PRKG1: variants seen among roughly 807,000 people sequenced by gnomAD.
PRKG1 encodes cGMP-dependent protein kinase 1.
PRKG1 carries 35 observed loss-of-function variants against 88.1 expected under a neutral mutation model. That is an observed-to-expected ratio of 0.40 (90% CI 0.30 to 0.53). The LOEUF (loss-of-function observed/expected upper bound fraction) is 0.53. Among genes scored for constraint, PRKG1 ranks in the 20% least tolerant of loss-of-function variants. The probability of loss-of-function intolerance (pLI) is 0.59; values close to 1 mark genes in which losing one functional copy is unlikely to be tolerated. For missense variants in PRKG1, 540 were observed against 839.8 expected (o/e 0.64, Z 4.41); for synonymous variants, 303 against 292.5 (o/e 1.04, Z -0.37).
intron 1 of PRKG1, among the ~76,000 whole-genome samples, chr10:51,078,209 C>T (rs1844011655): frequency 1.4e-5 from 2 of 146,168 alleles, no homozygotes; most frequent in African/African-American, 5.2e-5. Context: ...TATTTTGTTT[C>T]CTTTCTTTTT....
intron 1 of PRKG1, among the ~76,000 whole-genome samples, chr10:51,031,003 A>G (rs1264847384): frequency 6.6e-6 from 1 of 152,156 alleles, no homozygotes; most frequent in Non-Finnish European, 1.5e-5. Context: ...TAATTTTTTT[A>G]CTAGTTAGAG....
intron 1 of PRKG1, among the ~76,000 whole-genome samples, chr10:51,092,786 A>C (rs557966996): frequency 1.3e-5 from 2 of 152,322 alleles, no homozygotes; most frequent in African/African-American, 4.8e-5. Context: ...AGAGACAATA[A>C]ACTGTTCCAT....
At chr10:51,601,745 T>C (rs1838610718) in intron 3 of PRKG1, among the ~76,000 whole-genome samples, 3 of 119,968 alleles carry the variant, frequency 2.5e-5, no homozygotes, top group Admixed American at 8.7e-5. Context: ...TTTTTTTTTT[T>C]TTTTTTTTTT....
intron 7 of PRKG1, among the ~76,000 whole-genome samples, chr10:52,070,954 T>C (rs987119687): frequency 6.6e-6 from 1 of 152,170 alleles, no homozygotes; most frequent in Non-Finnish European, 1.5e-5. Flanking sequence ...CTGTTTCAGC[T>C]TCATGGTTTG....
At chr10:51,739,119 A>G (rs1837366741) in intron 3 of PRKG1, among the ~76,000 whole-genome samples, 1 of 152,246 alleles carries the variant, frequency 6.6e-6, no homozygotes, top group Non-Finnish European at 1.5e-5. Flanking sequence ...CACATTATAA[A>G]GTCAGTCCTG....
chr10:52,259,961 G>C (rs374200116), intron 10 of PRKG1, among the ~76,000 whole-genome samples: 30 of 151,966 alleles, frequency 2.0e-4, no homozygotes, highest in African/African-American at 6.8e-4. Flanking sequence ...TCGTATGGGG[G>C]AAGAAGTTAT....
intron 1 of PRKG1, among the ~76,000 whole-genome samples, chr10:51,111,088 G>A (rs1360603701): frequency 6.6e-6 from 1 of 152,026 alleles, no homozygotes; most frequent in Non-Finnish European, 1.5e-5. Context: ...TTTCAGTTCT[G>A]GTGAAGTACA....
chr10:52,293,377 C>T (rs1003301588), intron 17 of PRKG1, among the ~76,000 whole-genome samples: 2 of 151,430 alleles, frequency 1.3e-5, no homozygotes, highest in Non-Finnish European at 1.5e-5. Flanking sequence ...CATCAAGCTA[C>T]CAATGACTTT....
At chr10:51,500,397 G>T (rs1024081817) in intron 3 of PRKG1, among the ~76,000 whole-genome samples, 1 of 152,074 alleles carries the variant, frequency 6.6e-6, no homozygotes, top group Non-Finnish European at 1.5e-5. Flanking sequence ...GTCTTCCCTG[G>T]ATCATATTTT....
At chr10:51,751,459 C>T (rs1837723722) in intron 3 of PRKG1, among the ~76,000 whole-genome samples, 1 of 152,098 alleles carries the variant, frequency 6.6e-6, no homozygotes, top group South Asian at 2.1e-4. Flanking sequence ...AACTCCTGGC[C>T]TCAAGTTATC....
intron 5 of PRKG1, among the ~76,000 whole-genome samples, chr10:51,926,929 G>T (rs1842592213): frequency 6.6e-6 from 1 of 151,882 alleles, no homozygotes; most frequent in African/African-American, 2.4e-5. Context: ...AAAACAGAAA[G>T]CATTGCAGCC....
At chr10:51,971,573 T>C (rs1843714978) in intron 5 of PRKG1, among the ~76,000 whole-genome samples, 1 of 151,958 alleles carries the variant, frequency 6.6e-6, no homozygotes, top group Non-Finnish European at 1.5e-5. Flanking sequence ...ATGTTAAGAG[T>C]TTTATTCACT....
At chr10:51,025,637 C>T (rs1388787046) in intron 1 of PRKG1, among the ~76,000 whole-genome samples, 1 of 152,144 alleles carries the variant, frequency 6.6e-6, no homozygotes, top group Non-Finnish European at 1.5e-5. Flanking sequence ...GTTTGGTCCC[C>T]TTTGTCTTAT....
chr10:51,826,513 T>C (rs1213405287), intron 4 of PRKG1, among the ~76,000 whole-genome samples: 1 of 152,186 alleles, frequency 6.6e-6, no homozygotes, highest in East Asian at 1.9e-4. Flanking sequence ...TTTTCTTAAG[T>C]ACTGTGTTTA....
At chr10:51,848,146 G>A (rs1840452029) in intron 4 of PRKG1, among the ~76,000 whole-genome samples, 1 of 152,110 alleles carries the variant, frequency 6.6e-6, no homozygotes, top group African/African-American at 2.4e-5. Context: ...TACACCACAT[G>A]CCTCCTGCTA....
chr10:51,538,814 G>A (rs570781548), intron 3 of PRKG1, among the ~76,000 whole-genome samples: 1 of 152,134 alleles, frequency 6.6e-6, no homozygotes, highest in South Asian at 2.1e-4. Context: ...ACACAGTTCA[G>A]TTTTTATCTC....
At chr10:51,733,167 A>G (rs990697431) in intron 3 of PRKG1, among the ~76,000 whole-genome samples, 2 of 152,196 alleles carry the variant, frequency 1.3e-5, no homozygotes, top group Non-Finnish European at 2.9e-5. Flanking sequence ...TTACTTCTCA[A>G]AGGCCCCATC....
At chr10:52,057,727 C>T (rs1362320142) in intron 6 of PRKG1, among the ~76,000 whole-genome samples, 1 of 152,114 alleles carries the variant, frequency 6.6e-6, no homozygotes, top group Non-Finnish European at 1.5e-5. Context: ...GGCTTTGCTT[C>T]ATAAAGTTAA....
intron 3 of PRKG1, among the ~76,000 whole-genome samples, chr10:51,750,604 G>C (rs952147779): frequency 6.6e-6 from 1 of 152,210 alleles, no homozygotes; most frequent in African/African-American, 2.4e-5. Flanking sequence ...AACGCATGAA[G>C]TAGTGCATCA....
Sources: allele counts gnomAD v4.1 joint callset (sites outside exome capture counted in the v4.1 genomes callset), GRCh38; gene constraint gnomAD v4.1.1; transcripts MANE v1.5; gene names NCBI Gene and HGNC (gene_info 2026-07-23, HGNC 2026-07-21).